The following MAF variants were observed in gnomAD, a reference collection of about 807,000 sequenced individuals.
MAF encodes the protein MAF bZIP transcription factor, also known as transcription factor Maf.
A neutral mutation model predicts 22.0 loss-of-function variants in MAF; 10 were observed. The observed-to-expected ratio is 0.45, with a 90% CI of 0.28 to 0.77. The LOEUF is 0.77. MAF is among the 30% of genes least tolerant of loss of function. The probability of loss-of-function intolerance (pLI) is 0.12; values close to 1 mark genes in which losing one functional copy is unlikely to be tolerated. For synonymous variants in MAF, 337 were observed against 255.8 expected (o/e 1.32, Z -3.03); for missense variants, 544 against 548.4 (o/e 0.99, Z 0.08).
the MAF span, among the ~76,000 whole-genome samples, chr16:79,334,863 A>ATGTGTG: frequency 3.3e-4 from 20 of 61,258 alleles, no homozygotes; most frequent in African/African-American, 8.0e-4. Context: ...GTGTGTGTGT[A>ATGTGTG]TGTGTGTGTG....
chr16:79,590,182 G>A (rs926581108), downstream of MAF, among the ~76,000 whole-genome samples: 1 of 152,046 alleles, frequency 6.6e-6, no homozygotes, highest in Non-Finnish European at 1.5e-5. Flanking sequence ...GGGATGCGGT[G>A]TTCCTGTCCC....
chr16:79,319,758 A>C, the MAF span, among the ~76,000 whole-genome samples: 99 of 152,362 alleles, frequency 6.5e-4, no homozygotes, highest in Non-Finnish European at 1.2e-3. Context: ...GAAAAGTGGC[A>C]GGGTGATTCT....
chr16:79,461,244 T>A, the MAF span, among the ~76,000 whole-genome samples: 2 of 152,224 alleles, frequency 1.3e-5, no homozygotes, highest in Non-Finnish European at 1.5e-5. Context: ...GGTGATATAT[T>A]TACTTAAGTA....
At chr16:79,510,834 G>A in the MAF span, among the ~76,000 whole-genome samples, 1 of 152,308 alleles carries the variant, frequency 6.6e-6, no homozygotes, top group African/African-American at 2.4e-5. Context: ...GGCCCTGAAG[G>A]TCACCACTGT....
the MAF span, among the ~76,000 whole-genome samples, chr16:79,444,858 T>C: frequency 6.6e-6 from 1 of 152,158 alleles, no homozygotes; most frequent in Admixed American, 6.5e-5. Context: ...GAATCACATC[T>C]ATTAATTGCA....
the MAF span, among the ~76,000 whole-genome samples, chr16:79,403,920 G>A: frequency 1.3e-5 from 2 of 152,122 alleles, no homozygotes; most frequent in African/African-American, 2.4e-5. Flanking sequence ...TCCTTCCATG[G>A]TGCTTCTCTC....
the MAF span, among the ~76,000 whole-genome samples, chr16:79,572,952 A>G: frequency 6.6e-6 from 1 of 152,212 alleles, no homozygotes; most frequent in African/African-American, 2.4e-5. Flanking sequence ...AATGCTCACA[A>G]TGGTGTATGG....
At chr16:79,213,957 T>C in the MAF span, among the ~76,000 whole-genome samples, 1 of 152,178 alleles carries the variant, frequency 6.6e-6, no homozygotes, top group Non-Finnish European at 1.5e-5. Context: ...TCCAGCACTT[T>C]ATCCACTAGA....
At chr16:79,457,342 G>A in the MAF span, among the ~76,000 whole-genome samples, 1 of 150,908 alleles carries the variant, frequency 6.6e-6, no homozygotes, top group Non-Finnish European at 1.5e-5. Context: ...ATGTAAAACA[G>A]CAGCAGCCCA....
the MAF span, among the ~76,000 whole-genome samples, chr16:79,354,643 CTGGG>C: frequency 3.9e-5 from 6 of 152,292 alleles, no homozygotes; most frequent in East Asian, 1.2e-3. Flanking sequence ...GGGATTGGTA[CTGGG>C]TGATAGCAAT....
chr16:79,546,925 T>C, the MAF span, among the ~76,000 whole-genome samples: 2 of 152,192 alleles, frequency 1.3e-5, no homozygotes, highest in Non-Finnish European at 2.9e-5. Context: ...GTGAACATCA[T>C]TTTCTAAGCC....
At chr16:79,296,985 G>A in the MAF span, among the ~76,000 whole-genome samples, 2 of 152,212 alleles carry the variant, frequency 1.3e-5, no homozygotes, top group Non-Finnish European at 1.5e-5. Context: ...TTCCTCAATG[G>A]CAGGGAACAT....
At chr16:79,500,016 A>G in the MAF span, among the ~76,000 whole-genome samples, 2 of 152,306 alleles carry the variant, frequency 1.3e-5, no homozygotes, top group African/African-American at 4.8e-5. Context: ...ATATAAAGAC[A>G]GTAGAGAGAG....
chr16:79,508,855 C>T, the MAF span, among the ~76,000 whole-genome samples: 513 of 152,184 alleles, frequency 3.4e-3, 5 homozygotes, highest in African/African-American at 0.012. Context: ...GTTCCCAAGG[C>T]TCGGGGAGAG....
the MAF span, among the ~76,000 whole-genome samples, chr16:79,425,304 T>A: frequency 1.3e-5 from 2 of 152,202 alleles, no homozygotes; most frequent in African/African-American, 2.4e-5. Context: ...GTCTTTTTTT[T>A]ATTTTTAAAA....
At chr16:79,583,246 T>C (rs1029362206), downstream of MAF, among the ~76,000 whole-genome samples, 3 of 152,188 alleles carry the variant, frequency 2.0e-5, no homozygotes, top group African/African-American at 4.8e-5. Flanking sequence ...GCTTTGTTTT[T>C]CCCCAGTTCA....
At chr16:79,290,345 C>T in the MAF span, among the ~76,000 whole-genome samples, 26 of 152,294 alleles carry the variant, frequency 1.7e-4, no homozygotes, top group African/African-American at 5.8e-4. Flanking sequence ...ACGGGCTCTG[C>T]GGCAAATTAT....
the MAF span, among the ~76,000 whole-genome samples, chr16:79,544,695 C>T: frequency 6.6e-6 from 1 of 150,542 alleles, no homozygotes; most frequent in Non-Finnish European, 1.5e-5. Context: ...ATGGCGTGAA[C>T]CCAGGAGGCG....
the MAF span, among the ~76,000 whole-genome samples, chr16:79,552,352 G>A: frequency 6.6e-6 from 1 of 151,980 alleles, no homozygotes; most frequent in African/African-American, 2.4e-5. Context: ...GACTACTGGT[G>A]TGCACCACCA....
Sources: gnomAD v4.1 joint callset for allele counts (sites outside exome capture counted in the v4.1 genomes callset) on GRCh38, gnomAD v4.1.1 for gene constraint, MANE v1.5 for transcripts, NCBI Gene and HGNC (gene_info 2026-07-23, HGNC 2026-07-21) for gene names.